The following CDH8 variants were observed in gnomAD, a reference collection of about 807,000 sequenced individuals.
The protein encoded by CDH8 is cadherin 8, also known as cadherin-8.
CDH8 carries 17 observed loss-of-function variants against 68.1 expected under a neutral mutation model. The ratio of observed to expected loss-of-function variants is 0.25; its 90% CI spans 0.17 to 0.37. The LOEUF (loss-of-function observed/expected upper bound fraction) is 0.37, where lower values mean the gene tolerates loss of function less well. Among genes scored for constraint, CDH8 ranks in the 10% least tolerant of loss-of-function variants. The pLI is 1.00. For missense variants in CDH8, 763 were observed against 999.3 expected, an observed-to-expected ratio of 0.76 and a Z score of 3.19; for synonymous variants, 372 against 365.1, an observed-to-expected ratio of 1.02 and a Z score of -0.21.
At chr16:61,877,186 T>C (rs1435352270) in intron 3 of CDH8, among the ~76,000 whole-genome samples, 2 of 152,084 alleles carry the variant, frequency 1.3e-5, no homozygotes, top group African/African-American at 4.8e-5. Flanking sequence ...ACACAATTAC[T>C]TTAAACATCA....
chr16:61,677,019 CA>C (rs1191503413), intron 10 of CDH8, among the ~76,000 whole-genome samples: 1 of 151,822 alleles, frequency 6.6e-6, no homozygotes, highest in Non-Finnish European at 1.5e-5. Context: ...TCAACTATAC[CA>C]CAAAAAAAGA....
chr16:61,923,665 T>C (rs1267154771), intron 2 of CDH8, among the ~76,000 whole-genome samples: 3 of 150,966 alleles, frequency 2.0e-5, no homozygotes, highest in African/African-American at 7.3e-5. Flanking sequence ...GACCAGAATA[T>C]TGTCAGGTGA....
chr16:61,659,436 G>T (rs558053206), intron 10 of CDH8, among the ~76,000 whole-genome samples: 4 of 152,264 alleles, frequency 2.6e-5, no homozygotes, highest in Non-Finnish European at 1.5e-5. Context: ...CGATTTTCTG[G>T]GGGAAAGGTG....
At chr16:61,932,083 T>C (rs1964550824) in intron 2 of CDH8, among the ~76,000 whole-genome samples, 1 of 151,398 alleles carries the variant, frequency 6.6e-6, no homozygotes, top group Admixed American at 6.6e-5. Flanking sequence ...GGTGGGCGCC[T>C]GTAGTCCCAG....
At chr16:61,700,616 C>G (rs114790166) in intron 10 of CDH8, among the ~76,000 whole-genome samples, 1,626 of 150,564 alleles carry the variant, frequency 0.011, 24 homozygotes, top group African/African-American at 0.038. Flanking sequence ...TACTTTCTAC[C>G]CTAGGGGCTG....
At chr16:61,808,910 G>A (rs1313868023) in intron 7 of CDH8, among the ~76,000 whole-genome samples, 1 of 152,306 alleles carries the variant, frequency 6.6e-6, no homozygotes, top group East Asian at 1.9e-4. Context: ...ACTAGACCAG[G>A]CGCAGTGGCT....
chr16:61,677,129 G>T (rs923738477), intron 10 of CDH8, among the ~76,000 whole-genome samples: 13 of 151,602 alleles, frequency 8.6e-5, no homozygotes, highest in Non-Finnish European at 2.9e-5. Flanking sequence ...GAAAATTGGG[G>T]TATGTTTTTG....
intron 8 of CDH8, among the ~76,000 whole-genome samples, chr16:61,758,265 A>G (rs1960373048): frequency 6.6e-6 from 1 of 152,178 alleles, no homozygotes; most frequent in Non-Finnish European, 1.5e-5. Context: ...CCCCTAGTGA[A>G]TTTGATGATT....
At position 61,650,324 on chromosome 16, in the gene CDH8, C is replaced by T. The variant is rs1373896904; in HGVS notation, c.*3284G>A. 4 of 152,038 alleles carry T rather than the reference C, an allele frequency of 2.6e-5. No individual in the cohort carries two copies. The East Asian group carries it at 7.8e-4, about 30-fold the overall frequency. 9.4% of individuals were successfully genotyped at this position (152,038 alleles called of 1,614,324 possible). A position where few individuals can be genotyped will look rare whatever the true frequency, so the allele number is the denominator to read the frequency against. ...TGATCCCATGTTGTGTCCAATCACC[C>T]AGGGATGCATCAGTTCCCTAGGTGG... On this transcript the variant is annotated 3_prime_UTR_variant, in exon 12 of 12. Coordinates refer to ENST00000577390, the MANE Select transcript of CDH8 (RefSeq NM_001796.5).
At chr16:61,996,255 G>A (rs928927153) in intron 2 of CDH8, among the ~76,000 whole-genome samples, 16 of 152,188 alleles carry the variant, frequency 1.1e-4, no homozygotes, top group African/African-American at 3.9e-4. Context: ...TTAAGTCCAG[G>A]ATGAAAGAAT....
At chr16:61,776,947 T>C (rs575926943) in intron 8 of CDH8, among the ~76,000 whole-genome samples, 1 of 152,120 alleles carries the variant, frequency 6.6e-6, no homozygotes, top group Non-Finnish European at 1.5e-5. Context: ...ACCCCTGAAC[T>C]TAAAATAAAA....
chr16:61,804,514 C>T (rs879704178), intron 7 of CDH8, among the ~76,000 whole-genome samples: 5 of 149,958 alleles, frequency 3.3e-5, no homozygotes, highest in Non-Finnish European at 7.4e-5. Flanking sequence ...CCTTCAAAAA[C>T]TCAATGAATC....
At chr16:61,937,824 G>A (rs879892797) in intron 2 of CDH8, 1 of 152,134 alleles carries the variant, frequency 6.6e-6, no homozygotes, top group Non-Finnish European at 1.5e-5. Context: ...GGAGTCCTGA[G>A]TCAGGGGCTA....
chr16:61,868,538 A>G (rs1250439457), intron 3 of CDH8, among the ~76,000 whole-genome samples: 1 of 152,178 alleles, frequency 6.6e-6, no homozygotes, highest in Non-Finnish European at 1.5e-5. Context: ...GTCCCAACAT[A>G]AGCCAGAATT....
chr16:61,832,322 CAGAT>C (rs1307429227), intron 4 of CDH8, among the ~76,000 whole-genome samples: 1 of 142,026 alleles, frequency 7.0e-6, no homozygotes, highest in Non-Finnish European at 1.5e-5. Flanking sequence ...TAGAGGAAGA[CAGAT>C]AGATAATAGA....
At chr16:61,825,511 C>T (rs1411872048) in intron 4 of CDH8, among the ~76,000 whole-genome samples, 2 of 151,796 alleles carry the variant, frequency 1.3e-5, no homozygotes, top group Non-Finnish European at 2.9e-5. Context: ...CCCAGAAAAC[C>T]CTGGGAGTGA....
intron 10 of CDH8, among the ~76,000 whole-genome samples, chr16:61,690,589 AGT>A (rs1964200029): frequency 6.6e-6 from 1 of 152,050 alleles, no homozygotes; most frequent in Non-Finnish European, 1.5e-5. Context: ...TTTATATTAT[AGT>A]AGCTATTGAT....
intron 2 of CDH8, among the ~76,000 whole-genome samples, chr16:61,903,481 G>A (rs1376977579): frequency 1.3e-5 from 2 of 152,128 alleles, no homozygotes; most frequent in African/African-American, 4.8e-5. Context: ...CCGCCACGGC[G>A]CCCGGCTAAT....
intron 8 of CDH8, among the ~76,000 whole-genome samples, chr16:61,741,282 T>C (rs1011367043): frequency 9.9e-5 from 15 of 152,202 alleles, no homozygotes; most frequent in African/African-American, 3.6e-4. Flanking sequence ...ATATTAATAA[T>C]GTGAGTCCTT....
Sources: allele counts gnomAD v4.1 joint callset (sites outside exome capture counted in the v4.1 genomes callset), GRCh38; gene constraint gnomAD v4.1.1; transcripts MANE v1.5; gene names NCBI Gene and HGNC (gene_info 2026-07-23, HGNC 2026-07-21).